The following SYNE2 variants were observed in gnomAD, a reference collection of about 807,000 sequenced individuals.
SYNE2 encodes the protein spectrin repeat containing nuclear envelope protein 2, also known as nesprin-2.
Under a neutral mutation model 856.3 loss-of-function variants are expected in SYNE2, and 431 were observed. The observed-to-expected ratio is 0.50, with a 90% CI of 0.47 to 0.55. The LOEUF (loss-of-function observed/expected upper bound fraction) is 0.55. SYNE2 is among the 20% of genes least tolerant of loss of function. The pLI, the probability that SYNE2 is intolerant of heterozygous loss-of-function variation, is 0.00. For missense variants in SYNE2, 8,129 were observed against 8,023.2 expected (o/e 1.01, Z -0.50); for synonymous variants, 2,923 against 2,872.3 (o/e 1.02, Z -0.56).
rs1248463516 is a variant in SYNE2, at chr14:64,190,958, C to G, written c.18038+721C>G. The G allele has an allele frequency of 1.0e-5, 7 of 702,328 alleles. No homozygotes were observed. The South Asian group carries it at 1.0e-4, about 10-fold the overall frequency. The allele number at this position is 702,328 out of a possible 1,614,324, so 43.5% of individuals were successfully genotyped here. ...GTTTTTTCAGTGGCCACGTGGCATA[C>G]AGCGAACCGTCACTTGGCCTTGGGA... is the stretch of plus-strand genomic sequence containing the variant. On this transcript the variant is annotated intron_variant, in intron 99 of 115. Transcript: ENST00000555002.
rs768571022 is a variant in SYNE2 at position 64,202,150 on chromosome 14, G to A, written c.18039-651G>A. On this transcript the variant is annotated intron_variant, in intron 99 of 115. Transcript: ENST00000555002. ...CGAGGGAGATCACATTTAGAACTGC[G>A]CTTGCGTGCAGATTTCCTTTGCCCC... 1.7e-5 allele frequency: 12 copies of A among 701,648 alleles called. 1 individual carries two copies. The highest frequency in any genetic ancestry group is 7.4e-5 in the South Asian group (5 of 67,530). 43.5% of individuals were successfully genotyped at this position (701,648 alleles called of 1,614,324 possible). A position where few individuals can be genotyped will look rare whatever the true frequency, so the allele number is the denominator to read the frequency against.
chr14:64,126,048 C>T (rs766399395), intron 71 of SYNE2, among the ~76,000 whole-genome samples: 54 of 152,170 alleles, frequency 3.5e-4, no homozygotes, highest in African/African-American at 1.2e-3. Flanking sequence ...TCACCTGGAT[C>T]GCCCTGCTAA....
intron 1 of SYNE2, among the ~76,000 whole-genome samples, chr14:63,767,467 T>G (rs1013855688): frequency 6.6e-6 from 1 of 152,174 alleles, no homozygotes; most frequent in Non-Finnish European, 1.5e-5. Context: ...TATCTCATCT[T>G]ATGCAAAATC....
intron 96 of SYNE2, among the ~76,000 whole-genome samples, chr14:64,180,167 T>A (rs1486549045): frequency 6.6e-6 from 1 of 152,242 alleles, no homozygotes; most frequent in African/African-American, 2.4e-5. Context: ...AGGATTTGTT[T>A]CTCAGTTCTC....
chr14:63,878,521 C>G (rs1312500055), intron 1 of SYNE2, among the ~76,000 whole-genome samples: 3 of 151,770 alleles, frequency 2.0e-5, no homozygotes, highest in African/African-American at 7.3e-5. Context: ...TGCTGAAGCC[C>G]CCTTTTATTT....
At chr14:64,201,287 A>T (rs1043659598) in intron 99 of SYNE2, among the ~76,000 whole-genome samples, 1 of 152,110 alleles carries the variant, frequency 6.6e-6, no homozygotes. Flanking sequence ...AGGTGAAAGG[A>T]CTTTCACTAA....
At chr14:64,009,182 A>G (rs555463161) in intron 31 of SYNE2, among the ~76,000 whole-genome samples, 280 of 152,276 alleles carry the variant, frequency 1.8e-3, no homozygotes, top group Non-Finnish European at 3.1e-3. Context: ...CCTAACTGCC[A>G]CATTGTCTCA....
intron 34 of SYNE2, among the ~76,000 whole-genome samples, chr14:64,018,491 C>T (rs895637876): frequency 6.6e-6 from 1 of 152,152 alleles, no homozygotes; most frequent in Non-Finnish European, 1.5e-5. Flanking sequence ...ATCCGCCCAC[C>T]TCGGCCTCCC....
intron 1 of SYNE2, among the ~76,000 whole-genome samples, chr14:63,798,555 A>G (rs999029721): frequency 1.3e-5 from 2 of 151,624 alleles, no homozygotes; most frequent in African/African-American, 4.8e-5. Context: ...CACCATACCC[A>G]GCTAATTTTT....
At chr14:64,000,880 A>T (rs1006931364) in intron 28 of SYNE2, among the ~76,000 whole-genome samples, 161 bp downstream of exon 28, 12 of 152,360 alleles carry the variant, frequency 7.9e-5, no homozygotes, top group African/African-American at 2.9e-4. Context: ...GCTGATAAGG[A>T]AACTGATACT....
intron 61 of SYNE2, among the ~76,000 whole-genome samples, chr14:64,096,159 A>G (rs2097675226): frequency 6.6e-6 from 1 of 152,224 alleles, no homozygotes. Context: ...TTACCCAGTC[A>G]CAGATATTCT....
At position 64,065,572 on chromosome 14, in the gene SYNE2, G is replaced by C; in HGVS notation, c.10353G>C (p.Leu3451=). Residue 3451 remains leucine (L), a synonymous_variant, in exon 51 of 116, where the codon CTG becomes CTC. Transcript: ENST00000555002. ...TGTCGGCTCTGTGGGAGAAATGGCTGAGTTTGCTGGAAGCTGCTAAAGAGT... is the reference window on the plus strand; with the variant it reads ...TGTCGGCTCTGTGGGAGAAATGGCTCAGTTTGCTGGAAGCTGCTAAAGAGT... The part of the protein sequence containing the change: ...KIVSALWEKW[L]SLLEAAKEWE... 1 of 1,614,186 alleles carries C rather than the reference G, an allele frequency of 6.2e-7. No individual in the cohort carries two copies. Among genetic ancestry groups the C allele is most frequent in the Non-Finnish European group, 8.5e-7 (1 of 1,180,036 alleles).
At chr14:63,777,999 T>G (rs181194203) in intron 1 of SYNE2, among the ~76,000 whole-genome samples, 131 of 152,122 alleles carry the variant, frequency 8.6e-4, no homozygotes, top group African/African-American at 3.0e-3. Flanking sequence ...TAACTACACA[T>G]GAAAAAACAG....
rs1467803170 is a variant in SYNE2, at chr14:64,148,739, A to G, written c.15639+2516A>G. Among the ~76,000 whole-genome samples the G allele has an allele frequency of 5.3e-5, 8 of 152,154 alleles. No homozygotes were observed. In the East Asian group the frequency reaches 1.5e-3, roughly 29 times the overall value. ...CATAAACAAGGCCAAGATGGAAGCA[A>G]ATAAATAAAACAGGCTTCCCTAGCA... On this transcript the variant is annotated intron_variant, in intron 84 of 115. Transcript: ENST00000555002.
intron 1 of SYNE2, among the ~76,000 whole-genome samples, chr14:63,907,618 G>A (rs535814890): frequency 6.6e-6 from 1 of 151,734 alleles, no homozygotes; most frequent in Non-Finnish European, 1.5e-5. Context: ...ATGGAATAGT[G>A]TGTGCCCTTA....
chr14:63,942,736 C>T (rs1479198908), intron 6 of SYNE2, among the ~76,000 whole-genome samples: 1 of 151,920 alleles, frequency 6.6e-6, no homozygotes, highest in Non-Finnish European at 1.5e-5. Flanking sequence ...CTCAGGTGAT[C>T]CGTCCACCTC....
rs1210156802 is a variant in SYNE2, at chr14:64,168,870, T to C, written c.16906-7T>C. The C allele has an allele frequency of 8.1e-6, 13 of 1,602,010 alleles. No individual in the cohort carries two copies. The highest frequency in any genetic ancestry group is 9.4e-6 in the Non-Finnish European group (11 of 1,169,094). ...AGCTGATATTTTCTGCTTGGACTCA[T>C]ATACAGATGTTAGAAGCTGAAGTTT... On this transcript the variant is annotated splice_region_variant and splice_polypyrimidine_tract_variant and intron_variant, in intron 92 of 115. Coordinates refer to ENST00000555002, the MANE Select transcript of SYNE2 (RefSeq NM_182914.3).
rs769745560 is a variant in SYNE2, at chr14:63,986,540, G to C, written c.2236G>C (p.Val746Leu). The change falls in exon 19 of 116, where the codon GTG (valine) becomes CTG (leucine). Residue 746 changes from valine (V) to leucine (L), a missense_variant. Coordinates refer to ENST00000555002, the MANE Select transcript of SYNE2 (RefSeq NM_182914.3). ...AGATGTTGAAAAACTCATTGGACAA[G>C]TGGAAATCTGGGAGGCAGAAGCCAA... The part of the protein sequence containing the change: ...AKDVEKLIGQ[V>L]EIWEAEAKSV... The C allele has an allele frequency of 1.2e-6, 2 of 1,614,198 alleles. No homozygotes were observed. Among genetic ancestry groups the C allele is most frequent in the East Asian group, 2.2e-5 (1 of 44,880 alleles).
chr14:64,177,693 T>C (rs892959988), intron 96 of SYNE2, among the ~76,000 whole-genome samples: 3 of 152,220 alleles, frequency 2.0e-5, no homozygotes, highest in Admixed American at 6.5e-5. Flanking sequence ...GAAAGACTTT[T>C]GCAAAAACTC....
Sources: allele counts gnomAD v4.1 joint callset (sites outside exome capture counted in the v4.1 genomes callset), GRCh38; gene constraint gnomAD v4.1.1; transcripts MANE v1.5; gene names NCBI Gene and HGNC (gene_info 2026-07-23, HGNC 2026-07-21).